The following ZNF365 variants were observed in gnomAD, a reference collection of about 807,000 sequenced individuals.
ZNF365 encodes the protein protein ZNF365.
Under a neutral mutation model 35.0 loss-of-function variants are expected in ZNF365, and 22 were observed. That is an observed-to-expected ratio of 0.63 (90% CI 0.45 to 0.90). The LOEUF is 0.90. Among genes scored for constraint, ZNF365 ranks in the 40% least tolerant of loss-of-function variants. ZNF365 has a pLI of 0.00. For missense variants in ZNF365, 448 were observed against 500.3 expected, an observed-to-expected ratio of 0.90 and a Z score of 1.00; for synonymous variants, 188 against 196.2, an observed-to-expected ratio of 0.96 and a Z score of 0.35.
intron 3 of ZNF365, among the ~76,000 whole-genome samples, chr10:62,416,199 C>T (rs952216158): frequency 1.2e-4 from 4 of 34,684 alleles, no homozygotes; most frequent in African/African-American, 5.0e-4. Context: ...GGTCCTTACA[C>T]AGGTCAAGTG....
At chr10:62,382,334 C>G (rs989795666) in intron 2 of ZNF365, among the ~76,000 whole-genome samples, 2 of 152,182 alleles carry the variant, frequency 1.3e-5, no homozygotes, top group African/African-American at 4.8e-5. Context: ...GGAGAAGGGT[C>G]TGTTTGCTCC....
intron 3 of ZNF365, among the ~76,000 whole-genome samples, chr10:62,430,985 T>A (rs1381003363): frequency 6.6e-6 from 1 of 152,230 alleles, no homozygotes; most frequent in Non-Finnish European, 1.5e-5. Flanking sequence ...ATATCTGTCA[T>A]GCATGGTATA....
intron 4 of ZNF365, among the ~76,000 whole-genome samples, chr10:62,461,530 G>A (rs1480130862): frequency 6.6e-6 from 1 of 152,174 alleles, no homozygotes; most frequent in East Asian, 1.9e-4. Context: ...TGTTCCGCAC[G>A]GAGCTTTTCC....
At chr10:62,414,261 G>A (rs1195230988) in intron 3 of ZNF365, among the ~76,000 whole-genome samples, 9 of 151,674 alleles carry the variant, frequency 5.9e-5, no homozygotes. Flanking sequence ...ATGCAATGGT[G>A]CAATCAGAGC....
At chr10:62,399,163 T>C (rs1021011115) in intron 4 of ZNF365, among the ~76,000 whole-genome samples, 1 of 152,238 alleles carries the variant, frequency 6.6e-6, no homozygotes, top group Non-Finnish European at 1.5e-5. Context: ...ATGCAGTGAA[T>C]TTGTCTGAGT....
chr10:62,435,120 C>T (rs145003772), intron 3 of ZNF365, among the ~76,000 whole-genome samples: 1 of 152,244 alleles, frequency 6.6e-6, no homozygotes, highest in Non-Finnish European at 1.5e-5. Flanking sequence ...TAAAGAATGA[C>T]TGGCTAATGA....
intron 3 of ZNF365, among the ~76,000 whole-genome samples, chr10:62,435,913 T>C (rs1477871988): frequency 1.3e-5 from 2 of 152,178 alleles, no homozygotes; most frequent in East Asian, 1.9e-4. Flanking sequence ...TATTTCAGCA[T>C]TGGTGCAAAA....
intron 3 of ZNF365, among the ~76,000 whole-genome samples, chr10:62,452,690 C>T (rs897051667): frequency 6.6e-6 from 1 of 152,240 alleles, no homozygotes; most frequent in Non-Finnish European, 1.5e-5. Flanking sequence ...AAACTGCATG[C>T]CTGCAATGGA....
intron 3 of ZNF365, among the ~76,000 whole-genome samples, chr10:62,433,749 A>T (rs1212589834): frequency 1.3e-5 from 2 of 151,316 alleles, no homozygotes; most frequent in Non-Finnish European, 3.0e-5. Flanking sequence ...GATTGGAGTT[A>T]AAAAAAATGT....
Position 62,401,821 on chromosome 10 carries a change from G to A in ZNF365, c.*2032G>A, listed in dbSNP as rs1489685910. ...CATAGAGGGCATGGCAACTCTCTTT[G>A]ACAGTGGTACCCCATGATCTTCAGA... On this transcript the variant is annotated 3_prime_UTR_variant, in exon 5 of 5. Coordinates refer to ENST00000395254, the MANE Select transcript of ZNF365 (RefSeq NM_014951.3). 3 of 985,340 alleles carry A rather than the reference G, an allele frequency of 3.0e-6. No individual in the cohort carries two copies. Among genetic ancestry groups the A allele is most frequent in the Non-Finnish European group, 3.6e-6 (3 of 829,904 alleles). The allele number at this position is 985,340 out of a possible 1,614,324, so 61.0% of individuals were successfully genotyped here. A position where few individuals can be genotyped will look rare whatever the true frequency, so the allele number is the denominator to read the frequency against.
chr10:62,432,673 A>G (rs1589451466), intron 3 of ZNF365, among the ~76,000 whole-genome samples: 1 of 152,230 alleles, frequency 6.6e-6, no homozygotes, highest in Admixed American at 6.5e-5. Flanking sequence ...TTTTCAGTTT[A>G]GCCTGATGTT....
At chr10:62,419,705 G>A (rs1840136119) in intron 3 of ZNF365, among the ~76,000 whole-genome samples, 1 of 152,144 alleles carries the variant, frequency 6.6e-6, no homozygotes, top group Admixed American at 6.6e-5. Flanking sequence ...ATGGCTCAAA[G>A]CGGGGAGTAG....
At chr10:62,478,659 C>T (rs1405988401) in intron 4 of ZNF365, among the ~76,000 whole-genome samples, 2 of 152,170 alleles carry the variant, frequency 1.3e-5, no homozygotes, top group East Asian at 1.9e-4. Context: ...CTGCAAGCTC[C>T]GCCTCCTGGG....
chr10:62,384,123 A>T (rs530288022), intron 2 of ZNF365, among the ~76,000 whole-genome samples: 407 of 122,840 alleles, frequency 3.3e-3, no homozygotes, highest in African/African-American at 0.011. Flanking sequence ...TTTTTTTTTT[A>T]AATAAAGAAG....
intron 3 of ZNF365, among the ~76,000 whole-genome samples, chr10:62,454,760 A>G (rs568442776): frequency 2.0e-5 from 3 of 152,260 alleles, no homozygotes; most frequent in Admixed American, 1.3e-4. Context: ...TTTGGTGTCA[A>G]TTTCTGGGCT....
In ZNF365 at chr10:62,376,189, GA is replaced by G; in HGVS notation, c.-4del. 6.2e-7 allele frequency: 1 copy of G among 1,613,882 alleles called. No individual in the cohort carries two copies. Among genetic ancestry groups the G allele is most frequent in the East Asian group, 2.2e-5 (1 of 44,868 alleles). ...TATTTCCCCCCTCCCAGGACTTTTA[GA>G]GTAATGCAACAGAAGGCTTTTGAGG... is the stretch of plus-strand genomic sequence containing the variant. On this transcript the variant is annotated 5_prime_UTR_variant, in exon 2 of 5. Coordinates refer to ENST00000395254, the MANE Select transcript of ZNF365 (RefSeq NM_014951.3).
intron 3 of ZNF365, among the ~76,000 whole-genome samples, chr10:62,447,843 T>C (rs1346867524): frequency 6.6e-6 from 1 of 152,220 alleles, no homozygotes; most frequent in African/African-American, 2.4e-5. Flanking sequence ...TGATGGAAGC[T>C]GAGCAGTCAG....
chr10:62,450,147 G>C (rs1050715321), intron 3 of ZNF365, among the ~76,000 whole-genome samples: 3 of 152,042 alleles, frequency 2.0e-5, no homozygotes, highest in African/African-American at 7.2e-5. Flanking sequence ...TGATTGTCTT[G>C]TATGACCTAA....
chr10:62,466,348 C>T (rs899980613), intron 4 of ZNF365, among the ~76,000 whole-genome samples: 2 of 152,204 alleles, frequency 1.3e-5, no homozygotes, highest in Non-Finnish European at 2.9e-5. Context: ...CCTGGAGCTG[C>T]CCACTCTGCT....
Sources: gnomAD v4.1 joint callset for allele counts (sites outside exome capture counted in the v4.1 genomes callset) on GRCh38, gnomAD v4.1.1 for gene constraint, MANE v1.5 for transcripts, NCBI Gene and HGNC (gene_info 2026-07-23, HGNC 2026-07-21) for gene names.